TMEM91: variants seen among roughly 807,000 people sequenced by gnomAD.
TMEM91 encodes dispanin subfamily C member 3.
In TMEM91, 6 loss-of-function variants were observed where a neutral mutation model predicts 13.3. That is an observed-to-expected ratio of 0.45 (90% confidence interval 0.25 to 0.89). The LOEUF is 0.89. TMEM91 is among the 40% of genes least tolerant of loss of function. The pLI, the probability that TMEM91 is intolerant of heterozygous loss-of-function variation, is 0.19. For missense variants in TMEM91, 193 were observed against 228.7 expected (o/e 0.84, Z 1.01); for synonymous variants, 87 against 101.7 (o/e 0.86, Z 0.87).
intron 1 of TMEM91, among the ~76,000 whole-genome samples, chr19:41,369,445 T>C (rs2038578821): frequency 6.8e-6 from 1 of 147,742 alleles, no homozygotes; most frequent in African/African-American, 2.5e-5. Context: ...AAGTCCAGGC[T>C]GCAGTGAGCT....
At chr19:41,366,110 G>A (rs1413403095) in intron 1 of TMEM91, among the ~76,000 whole-genome samples, 1 of 142,166 alleles carries the variant, frequency 7.0e-6, no homozygotes, top group East Asian at 2.0e-4. Context: ...GCTGGAGTGA[G>A]CCTCTGCACC....
At chr19:41,372,927 T>C (rs995062314), upstream of TMEM91, among the ~76,000 whole-genome samples, 2 of 97,892 alleles carry the variant, frequency 2.0e-5, no homozygotes, top group Admixed American at 9.8e-5. Context: ...AATCTCGTGA[T>C]CTTTTGTTTT....
intron 2 of TMEM91, among the ~76,000 whole-genome samples, chr19:41,381,947 C>T (rs1384814475): frequency 6.6e-6 from 1 of 152,082 alleles, no homozygotes; most frequent in Non-Finnish European, 1.5e-5. Flanking sequence ...CTCACTGCAA[C>T]CTCCACATCC....
chr19:41,371,369 CT>C (rs1568489507), intron 1 of TMEM91, among the ~76,000 whole-genome samples: 3 of 134,042 alleles, frequency 2.2e-5, no homozygotes, highest in Non-Finnish European at 3.2e-5. Context: ...TTCCTTCCTT[CT>C]TTCCTTCCTT....
chr19:41,367,561 G>A (rs1233579797), intron 1 of TMEM91, among the ~76,000 whole-genome samples: 3 of 152,200 alleles, frequency 2.0e-5, no homozygotes, highest in African/African-American at 7.2e-5. Flanking sequence ...AACCTGGGAG[G>A]CGGAGGTTGC....
At chr19:41,369,700 C>T (rs976910717) in intron 1 of TMEM91, among the ~76,000 whole-genome samples, 20 of 151,204 alleles carry the variant, frequency 1.3e-4, no homozygotes, top group Non-Finnish European at 2.5e-4. Context: ...CCCAGCTACT[C>T]GGGAGGCTGA....
chr19:41,368,456 CAG>C (rs1279304507), intron 1 of TMEM91, among the ~76,000 whole-genome samples: 1 of 150,170 alleles, frequency 6.7e-6, no homozygotes, highest in African/African-American at 2.5e-5. Context: ...TTTTTTGAGA[CAG>C]AGTCTCGTTC....
chr19:41,383,201 G>A (rs915561153), intron 3 of TMEM91: 9 of 463,152 alleles, frequency 1.9e-5, no homozygotes, highest in African/African-American at 4.0e-5. Flanking sequence ...TTAGAGGCGC[G>A]CGCTACCATG....
intron 2 of TMEM91, among the ~76,000 whole-genome samples, chr19:41,381,760 C>T (rs2038893356): frequency 6.6e-6 from 1 of 152,036 alleles, no homozygotes; most frequent in Admixed American, 6.6e-5. Flanking sequence ...GATCCTCCCG[C>T]CTTGGCCTCC....
chr19:41,373,302 G>A (rs1376725216), upstream of TMEM91, among the ~76,000 whole-genome samples: 2 of 152,138 alleles, frequency 1.3e-5, no homozygotes, highest in South Asian at 2.1e-4. Context: ...CTCTTAGACT[G>A]TACAAGGCTA....
chr19:41,383,798 C>A lies in TMEM91; in HGVS notation c.444C>A (p.Val148=). The A allele has an allele frequency of 4.3e-6, 7 of 1,611,060 alleles. No homozygotes were observed. Among genetic ancestry groups the A allele is most frequent in the Non-Finnish European group, 5.9e-6 (7 of 1,178,392 alleles). ...CCTTCCTGCTGGGGGTCCTCGCCGTCGGGCTGGGCGTGTGCACGTATGCGG... is the reference window on the plus strand; with the variant it reads ...CCTTCCTGCTGGGGGTCCTCGCCGTAGGGCTGGGCGTGTGCACGTATGCGG... ...RRAFLLGVLA[V]GLGVCTYAAA... is the part of the protein sequence containing the mutation. The change falls in exon 4 of 4, where the codon GTC becomes GTA. Residue 148 remains valine (V), a synonymous_variant. Coordinates refer to ENST00000392002, the MANE Select transcript of TMEM91 (RefSeq NM_001098821.2).
chr19:41,383,434 C>T, intron 3 of TMEM91: 2 of 1,136,658 alleles, frequency 1.8e-6, no homozygotes, highest in Non-Finnish European at 2.3e-6. Context: ...ATTGCTACCT[C>T]TGGGTCAATG....
At chr19:41,373,379 C>A (rs1310948568), upstream of TMEM91, among the ~76,000 whole-genome samples, 1 of 151,608 alleles carries the variant, frequency 6.6e-6, no homozygotes, top group Non-Finnish European at 1.5e-5. Flanking sequence ...GATGAGGGGA[C>A]CCACAGAGCT....
upstream of TMEM91, among the ~76,000 whole-genome samples, chr19:41,375,752 A>C (rs762323554): frequency 8.6e-5 from 13 of 151,864 alleles, no homozygotes; most frequent in Non-Finnish European, 1.6e-4. Flanking sequence ...TCTGAGGCTG[A>C]AGCGAGCAAT....
chr19:41,374,937 C>A (rs1002991500), upstream of TMEM91, among the ~76,000 whole-genome samples: 1 of 152,086 alleles, frequency 6.6e-6, no homozygotes, highest in Non-Finnish European at 1.5e-5. Flanking sequence ...GAGCCGAGAT[C>A]ACGCCATTGC....
chr19:41,369,780 C>T (rs950809244), intron 1 of TMEM91, among the ~76,000 whole-genome samples: 3 of 152,014 alleles, frequency 2.0e-5, no homozygotes, highest in Admixed American at 2.0e-4. Flanking sequence ...TGCACTCCAG[C>T]CTGGGTGACA....
rs763392611 is a variant in TMEM91 at position 41,382,939 on chromosome 19, A to T, written c.360+18A>T. 6.2e-7 allele frequency: 1 copy of T among 1,610,194 alleles called. No individual in the cohort carries two copies. The highest frequency in any genetic ancestry group is 8.5e-7 in the Non-Finnish European group (1 of 1,177,812). On this transcript the variant is annotated intron_variant, in intron 3 of 3. Transcript: ENST00000392002. ...CCCAGAAGGTCAGTCTGTGTGTGGG[A>T]CTTGGAGGGGACTGGGCATAAAAGA...
chr19:41,364,431 A>G (rs1016650576), intron 1 of TMEM91, among the ~76,000 whole-genome samples: 13 of 151,102 alleles, frequency 8.6e-5, no homozygotes, highest in African/African-American at 1.9e-4. Context: ...TGCTGCGCCT[A>G]CCCCACCGAA....
At chr19:41,367,421 AG>A (rs2038545784) in intron 1 of TMEM91, among the ~76,000 whole-genome samples, 1 of 152,090 alleles carries the variant, frequency 6.6e-6, no homozygotes, top group Non-Finnish European at 1.5e-5. Context: ...TCACGAGGTC[AG>A]GGGTTCAAGA....
Sources: gnomAD v4.1 joint callset for allele counts (sites outside exome capture counted in the v4.1 genomes callset) on GRCh38, gnomAD v4.1.1 for gene constraint, MANE v1.5 for transcripts, NCBI Gene and HGNC (gene_info 2026-07-23, HGNC 2026-07-21) for gene names.